CYP46A1: variants seen among roughly 807,000 people sequenced by gnomAD.
CYP46A1 encodes the protein cholesterol 24-hydroxylase.
CYP46A1 carries 20 observed loss-of-function variants against 63.3 expected under a neutral mutation model. That is an observed-to-expected ratio of 0.32 (90% CI 0.22 to 0.46). The LOEUF is 0.46. Ranked by LOEUF, CYP46A1 falls within the 20% of genes least tolerant of loss-of-function variation. The probability of loss-of-function intolerance (pLI) is 1.00; values close to 1 mark genes in which losing one functional copy is unlikely to be tolerated. For missense variants in CYP46A1, 445 were observed against 670.8 expected, an observed-to-expected ratio of 0.66 and a Z score of 3.72; for synonymous variants, 268 against 273.6, an observed-to-expected ratio of 0.98 and a Z score of 0.20.
chr14:99,699,938 A>G, intron 4 of CYP46A1, 77 bp from the exon 5 acceptor site: 2 of 1,046,312 alleles, frequency 1.9e-6, no homozygotes, highest in South Asian at 1.5e-5. Context: ...TCATCCCAAA[A>G]TATGACCCCA....
chr14:99,691,223 C>T (rs1165958419), intron 2 of CYP46A1, 62 bp downstream of exon 2: 35 of 1,515,988 alleles, frequency 2.3e-5, no homozygotes, highest in Non-Finnish European at 2.9e-5. Flanking sequence ...GCTCCCCCAA[C>T]CCAATCCAGC....
chr14:99,725,261 G>A lies in CYP46A1; in HGVS notation c.1177-130G>A. ...GCAATGGACACCAACCTAGATGAGG[G>A]GTGAAGACATGGGGGGAGGAGAGTG... is the stretch of plus-strand genomic sequence containing the variant. On this transcript the variant is annotated intron_variant, in intron 12 of 14. Coordinates refer to ENST00000261835, the MANE Select transcript of CYP46A1 (RefSeq NM_006668.2). The surrounding 1 kb of genome is among the most constrained non-coding windows in gnomAD (Gnocchi z 4.2). The A allele has an allele frequency of 1.5e-6, 1 of 683,976 alleles. No individual in the cohort carries two copies. Among genetic ancestry groups the A allele is most frequent in the Non-Finnish European group, 2.6e-6 (1 of 378,942 alleles). The allele number at this position is 683,976 out of a possible 1,614,324, so 42.4% of individuals were successfully genotyped here. A position where few individuals can be genotyped will look rare whatever the true frequency, so the allele number is the denominator to read the frequency against.
At position 99,700,662 on chromosome 14, in the gene CYP46A1, G is replaced by A. The variant is rs2140120404; in HGVS notation, c.443+561G>A. On this transcript the variant is annotated intron_variant, in intron 5 of 14. Coordinates refer to ENST00000261835, the MANE Select transcript of CYP46A1 (RefSeq NM_006668.2). ...CTGCTGCACTGCCAGTCATGCCAAA[G>A]TCTAGCAGATGCAATTATGGACAGT... Among the ~76,000 whole-genome samples, 4 of 152,342 alleles carry A rather than the reference G, an allele frequency of 2.6e-5. No homozygotes were observed. In the Middle Eastern group the frequency reaches 0.014, roughly 518 times the overall value.
chr14:99,691,189 C>A, intron 2 of CYP46A1, 28 bp downstream of exon 2: 2 of 1,612,316 alleles, frequency 1.2e-6, no homozygotes, highest in South Asian at 2.2e-5. Flanking sequence ...ACTTGTTGCC[C>A]TTACTCCAGG....
rs760348654 is a variant in CYP46A1, at chr14:99,725,399, C to A, written c.1185C>A (p.Thr395=). The A allele has an allele frequency of 6.2e-6, 10 of 1,614,088 alleles. No homozygotes were observed. The Admixed American group carries it at 1.7e-4, about 27-fold the overall frequency. Residue 395 remains threonine (T), a synonymous_variant, in exon 13 of 15, where the codon ACC becomes ACA. Coordinates refer to ENST00000261835, the MANE Select transcript of CYP46A1 (RefSeq NM_006668.2). The surrounding 1 kb of genome is among the most constrained non-coding windows in gnomAD (Gnocchi z 4.2). Reference sequence around the variant, plus strand: ...GGACCCTTTGCCCGCAGTTCAGCACCTATGTCATGGGGCGGATGGACACAT... The same window carrying A: ...GGACCCTTTGCCCGCAGTTCAGCACATATGTCATGGGGCGGATGGACACAT... The part of the protein sequence containing the change: ...VPGNTPLLFS[T]YVMGRMDTYF...
At position 99,721,273 on chromosome 14, in the gene CYP46A1, A is replaced by G; in HGVS notation, c.1015A>G (p.Lys339Glu). The G allele has an allele frequency of 1.2e-6, 2 of 1,613,946 alleles. No individual in the cohort carries two copies. The highest frequency in any genetic ancestry group is 1.7e-6 in the Non-Finnish European group (2 of 1,179,906). The change falls in exon 11 of 15, where the codon AAG becomes GAG. Residue 339 changes from lysine (K) to glutamate (E), a missense_variant. Coordinates refer to ENST00000261835, the MANE Select transcript of CYP46A1 (RefSeq NM_006668.2). Reference protein sequence around the residue: ...QAEVDEVIGSKRYLDFEDLGR... With the variant: ...QAEVDEVIGSERYLDFEDLGR... Reference sequence around the variant, plus strand: ...CGAGGTGGATGAGGTCATTGGTTCTAAGAGGTACCTGGATTTCGAGGACCT... The same window carrying G: ...CGAGGTGGATGAGGTCATTGGTTCTGAGAGGTACCTGGATTTCGAGGACCT...
chr14:99,693,242 A>G (rs2056559041), intron 3 of CYP46A1: 1 of 152,906 alleles, frequency 6.5e-6, no homozygotes, highest in African/African-American at 2.4e-5. Flanking sequence ...TACAACTTAC[A>G]GTCAAGACAA....
intron 4 of CYP46A1, 27 bp from the exon 5 acceptor site, chr14:99,699,988 C>T: frequency 2.9e-6 from 2 of 696,932 alleles, no homozygotes; most frequent in Non-Finnish European, 4.4e-6. Flanking sequence ...CACCCTCTTT[C>T]CCGCATCACG....
intron 1 of CYP46A1, among the ~76,000 whole-genome samples, chr14:99,686,624 T>G (rs2056496751): frequency 6.6e-6 from 1 of 152,222 alleles, no homozygotes; most frequent in Non-Finnish European, 1.5e-5. Flanking sequence ...GTGTCTGGCT[T>G]CTTTCACTTA....
chr14:99,702,634 C>A (rs939236273), intron 5 of CYP46A1, among the ~76,000 whole-genome samples: 19 of 151,904 alleles, frequency 1.3e-4, no homozygotes, highest in Non-Finnish European at 4.4e-5. Flanking sequence ...TCACCATTTG[C>A]TTTATCATTT....
chr14:99,698,784 A>G (rs879564131), intron 3 of CYP46A1, among the ~76,000 whole-genome samples: 11 of 152,174 alleles, frequency 7.2e-5, no homozygotes, highest in Admixed American at 7.2e-4. Flanking sequence ...GCTGTTAACC[A>G]CTGGGCAATC....
In CYP46A1 at chr14:99,725,450, C is replaced by T. The variant is rs751991710; in HGVS notation, c.1236C>T (p.Asn412=). 4 of 1,614,040 alleles carry T rather than the reference C, an allele frequency of 2.5e-6. No homozygotes were observed. Among genetic ancestry groups the T allele is most frequent in the South Asian group, 1.1e-5 (1 of 91,092 alleles). Residue 412 remains asparagine (N), a synonymous_variant, in exon 13 of 15, where the codon AAC becomes AAT. Coordinates refer to ENST00000261835, the MANE Select transcript of CYP46A1 (RefSeq NM_006668.2). The surrounding 1 kb of genome is among the most constrained non-coding windows in gnomAD (Gnocchi z 4.2). ...ACTTTGAGGACCCGCTGACTTTCAA[C>T]CCCGATCGCTTCGGCCCTGGAGCAC... is the stretch of plus-strand genomic sequence containing the variant. ...DTYFEDPLTF[N]PDRFGPGAPK... is the part of the protein sequence containing the mutation.
rs1170016171 is a variant in CYP46A1 at position 99,706,643 on chromosome 14, C to T, written c.444-4C>T. The T allele has an allele frequency of 6.2e-7, 1 of 1,613,748 alleles. No homozygotes were observed. Among genetic ancestry groups the T allele is most frequent in the South Asian group, 1.1e-5 (1 of 91,046 alleles). Reference sequence around the variant, plus strand: ...GGCCGTTGATGCCTGTGCTGTTTCTCCAGCTCCTTGGTTAGCTTAATGGAA... The same window carrying T: ...GGCCGTTGATGCCTGTGCTGTTTCTTCAGCTCCTTGGTTAGCTTAATGGAA... On this transcript the variant is annotated splice_region_variant and splice_polypyrimidine_tract_variant and intron_variant, in intron 5 of 14. Coordinates refer to ENST00000261835, the MANE Select transcript of CYP46A1 (RefSeq NM_006668.2).
At position 99,715,833 on chromosome 14, in the gene CYP46A1, G is replaced by C; in HGVS notation, c.717G>C (p.Gln239His). 6.2e-7 allele frequency: 1 copy of C among 1,614,150 alleles called. No homozygotes were observed. The highest frequency in any genetic ancestry group is 8.5e-7 in the Non-Finnish European group (1 of 1,179,990). ...LAKFLPGKRKQLREVRESIRF... is the reference protein window; with the variant it reads ...LAKFLPGKRKHLREVRESIRF... Reference sequence around the variant, plus strand: ...AGTTCCTGCCAGGGAAGAGGAAGCAGCTCCGGGAGGTCCGGGAGAGCATTC... The same window carrying C: ...AGTTCCTGCCAGGGAAGAGGAAGCACCTCCGGGAGGTCCGGGAGAGCATTC... The change falls in exon 8 of 15, where the codon CAG (glutamine) becomes CAC (histidine). Residue 239 changes from glutamine (Q) to histidine (H), a missense_variant. Gln to His is a conservative substitution (Grantham distance 24). Transcript: ENST00000261835.
At chr14:99,718,291 C>T (rs968988558) in intron 10 of CYP46A1, among the ~76,000 whole-genome samples, 165 bp downstream of exon 10, 2 of 152,170 alleles carry the variant, frequency 1.3e-5, no homozygotes, top group African/African-American at 4.8e-5. Context: ...CCTGCTTTTC[C>T]CCTGGAGAAC....
At chr14:99,695,732 G>C (rs1249097849) in intron 3 of CYP46A1, among the ~76,000 whole-genome samples, 2 of 151,780 alleles carry the variant, frequency 1.3e-5, no homozygotes, top group African/African-American at 4.8e-5. Context: ...CAGGGTTCAA[G>C]TGATTCTCCT....
chr14:99,723,276 T>C (rs1266330910), intron 12 of CYP46A1: 1 of 155,078 alleles, frequency 6.4e-6, no homozygotes, highest in Non-Finnish European at 1.4e-5. Flanking sequence ...TTTTATTTTA[T>C]TATTTTTTAC....
chr14:99,710,283 A>C (rs891364037), intron 7 of CYP46A1: 20 of 152,168 alleles, frequency 1.3e-4, no homozygotes, highest in African/African-American at 4.8e-4. Context: ...AATTAATCAA[A>C]CAACCAGAAA....
At chr14:99,706,868 T>C in intron 6 of CYP46A1, 83 bp downstream of exon 6, 1 of 1,486,764 alleles carries the variant, frequency 6.7e-7, no homozygotes, top group Non-Finnish European at 9.0e-7. Context: ...CCTTCTCTCT[T>C]CCCCTCCCTC....
Sources: allele counts gnomAD v4.1 joint callset (sites outside exome capture counted in the v4.1 genomes callset), GRCh38; gene constraint gnomAD v4.1.1; non-coding constraint Gnocchi (gnomAD v3.1); transcripts MANE v1.5; gene names NCBI Gene and HGNC (gene_info 2026-07-23, HGNC 2026-07-21).